NIPA2: variants seen among roughly 807,000 people sequenced by gnomAD.
NIPA2 encodes magnesium transporter NIPA2.
Under a neutral mutation model 29.7 loss-of-function variants are expected in NIPA2, and 11 were observed. The ratio of observed to expected loss-of-function variants is 0.37; its 90% CI spans 0.23 to 0.61. The LOEUF (loss-of-function observed/expected upper bound fraction) is 0.61. Among genes scored for constraint, NIPA2 ranks in the 20% least tolerant of loss-of-function variants. The probability of loss-of-function intolerance (pLI) is 0.66; values close to 1 mark genes in which losing one functional copy is unlikely to be tolerated. For missense variants in NIPA2, 426 were observed against 437.9 expected (o/e 0.97, Z 0.24); for synonymous variants, 183 against 161.9 (o/e 1.13, Z -0.99).
chr15:22,855,312 G>A (rs1183325994), intron 5 of NIPA2, among the ~76,000 whole-genome samples: 2 of 152,026 alleles, frequency 1.3e-5, no homozygotes, highest in Non-Finnish European at 2.9e-5. Context: ...AGCTACTCGG[G>A]AGGCTGAGGC....
rs931647578 is a variant in NIPA2, at chr15:22,867,946, C to CCACT, written c.*1102_*1105dup. 1.3e-4 allele frequency: 20 copies of CCACT among 151,474 alleles called. No individual in the cohort carries two copies. The highest frequency in any genetic ancestry group is 4.6e-4 in the African/African-American group (19 of 41,408). 9.4% of individuals were successfully genotyped at this position (151,474 alleles called of 1,614,324 possible). A position where few individuals can be genotyped will look rare whatever the true frequency, so the allele number is the denominator to read the frequency against. On this transcript the variant is annotated 3_prime_UTR_variant, in exon 8 of 8. Coordinates refer to ENST00000337451, the MANE Select transcript of NIPA2 (RefSeq NM_030922.7). ...GAACTCCATTCAGCTTTGAACCTAT[C>CCACT]CACTCATAACCATTGACTGGCCTTT...
intron 2 of NIPA2, among the ~76,000 whole-genome samples, chr15:22,842,534 A>T (rs1897353922): frequency 6.6e-6 from 1 of 151,472 alleles, no homozygotes; most frequent in African/African-American, 2.4e-5. Context: ...CTAAAAAAAA[A>T]ACCCAAAATA....
intron 7 of NIPA2, among the ~76,000 whole-genome samples, chr15:22,863,857 C>T (rs1005573090): frequency 6.6e-6 from 1 of 152,102 alleles, no homozygotes; most frequent in African/African-American, 2.4e-5. Flanking sequence ...CCCTTTAAGT[C>T]CTGGCTACTT....
At chr15:22,841,063 G>T (rs1180069664) in intron 2 of NIPA2, among the ~76,000 whole-genome samples, 4 of 152,242 alleles carry the variant, frequency 2.6e-5, no homozygotes, top group African/African-American at 9.6e-5. Context: ...AGGATACAAA[G>T]TAGCAGATAT....
At chr15:22,854,639 G>A (rs1468706726) in intron 5 of NIPA2, among the ~76,000 whole-genome samples, 1 of 151,870 alleles carries the variant, frequency 6.6e-6, no homozygotes, top group African/African-American at 2.4e-5. Flanking sequence ...ACAGCTACTC[G>A]GGAGGCTGAG....
intron 2 of NIPA2, among the ~76,000 whole-genome samples, chr15:22,840,302 G>GT (rs34852065): frequency 0.042 from 5,434 of 129,428 alleles, 167 homozygotes; most frequent in African/African-American, 0.086. Context: ...TTTTTTTTTT[G>GT]TTTTTTTTTT....
intron 3 of NIPA2, among the ~76,000 whole-genome samples, chr15:22,848,145 A>G (rs979998845): frequency 4.6e-5 from 7 of 152,118 alleles, no homozygotes; most frequent in African/African-American, 1.7e-4. Flanking sequence ...CATTGAAGTG[A>G]GGTGACCCTG....
chr15:22,859,275 A>G lies in NIPA2; in HGVS notation c.287+645A>G, dbSNP rs945478761. 4.6e-5 allele frequency among the ~76,000 whole-genome samples: 7 copies of G among 150,860 alleles called. No individual in the cohort carries two copies. The East Asian group carries it at 1.2e-3, about 25-fold the overall frequency. On this transcript the variant is annotated intron_variant, in intron 6 of 7. Coordinates refer to ENST00000337451, the MANE Select transcript of NIPA2 (RefSeq NM_030922.7). The stretch of plus-strand genomic sequence containing the variant: ...CTTTGGTAGGGTCTGGTTGGTAATG[A>G]GTAGATTTCTTTTTCTTTTTTTTTT...
chr15:22,866,694 T>C lies in NIPA2; in HGVS notation c.930T>C (p.Pro310=), dbSNP rs1416561167. 2.5e-6 allele frequency: 4 copies of C among 1,614,020 alleles called. No homozygotes were observed. The highest frequency in any genetic ancestry group is 3.4e-6 in the Non-Finnish European group (4 of 1,180,012). The part of the protein sequence containing the change: ...KDVSFSLASL[P]VSFRKDEKAM... ...TCAGCTTTAGTCTAGCAAGTCTGCC[T>C]GTGTCTTTTCGAAAAGACGAGAAAG... Residue 310 remains proline (P), a synonymous_variant, in exon 8 of 8, where the codon CCT becomes CCC. Coordinates refer to ENST00000337451, the MANE Select transcript of NIPA2 (RefSeq NM_030922.7).
At chr15:22,848,004 G>A (rs2141133042) in intron 3 of NIPA2, among the ~76,000 whole-genome samples, 1 of 150,602 alleles carries the variant, frequency 6.6e-6, no homozygotes, top group African/African-American at 2.4e-5. Context: ...CTCCATGTTG[G>A]TCAGGCTGGT....
intron 3 of NIPA2, among the ~76,000 whole-genome samples, chr15:22,846,095 C>T (rs534308884): frequency 2.0e-5 from 3 of 152,200 alleles, no homozygotes; most frequent in African/African-American, 4.8e-5. Flanking sequence ...ACTGGACAGA[C>T]GAGATGGACG....
Position 22,846,933 on chromosome 15 carries a change from C to T in NIPA2, c.-94+1666C>T, listed in dbSNP as rs868515205. 6.2e-5 allele frequency among the ~76,000 whole-genome samples: 9 copies of T among 144,884 alleles called. No homozygotes were observed. In the Middle Eastern group the frequency reaches 0.012, roughly 186 times the overall value. ...TTTTTGTTTGTTTGAGACCGAGTTT[C>T]GCTCTTGTTGCCCAGGCTGGAGTGC... On this transcript the variant is annotated intron_variant, in intron 3 of 7. Coordinates refer to ENST00000337451, the MANE Select transcript of NIPA2 (RefSeq NM_030922.7).
chr15:22,859,881 T>A (rs1010138991), intron 6 of NIPA2, among the ~76,000 whole-genome samples: 1 of 152,156 alleles, frequency 6.6e-6, no homozygotes, highest in Non-Finnish European at 1.5e-5. Flanking sequence ...TCTTTTTAGG[T>A]CTAGATAAAA....
chr15:22,868,017 GAA>G lies in NIPA2; in HGVS notation c.*1172_*1173del, dbSNP rs907428243. On this transcript the variant is annotated 3_prime_UTR_variant, in exon 8 of 8. Transcript: ENST00000337451. ...TTAATTTCCACCTAGGTGATGGGAA[GAA>G]AGTGTTCGCCTGTTCCAGCCTGTGG... is the stretch of plus-strand genomic sequence containing the variant. The G allele has an allele frequency of 4.6e-5, 7 of 152,254 alleles. No individual in the cohort carries two copies. The highest frequency in any genetic ancestry group is 1.7e-4 in the African/African-American group (7 of 41,470). 9.4% of individuals were successfully genotyped at this position (152,254 alleles called of 1,614,324 possible).
chr15:22,866,308 A>G lies in NIPA2; in HGVS notation c.544A>G (p.Ile182Val), dbSNP rs528251144. The G allele has an allele frequency of 1.3e-5, 21 of 1,613,992 alleles. No homozygotes were observed. Among genetic ancestry groups the G allele is most frequent in the East Asian group, 6.7e-5 (3 of 44,876 alleles). ...RHGQTNILVYITICSVIGAFS... is the reference protein window; with the variant it reads ...RHGQTNILVYVTICSVIGAFS... ...TGGACAGACAAACATTCTTGTGTAC[A>G]TAACAATCTGCTCTGTAATCGGCGC... is the stretch of plus-strand genomic sequence containing the variant. The change falls in exon 8 of 8, where the codon ATA becomes GTA. Residue 182 changes from isoleucine to valine, a missense_variant. This residue lies in a region of NIPA2 where 357 missense variants were observed against 339.8 expected (regional missense o/e 1.05). Coordinates refer to ENST00000337451, the MANE Select transcript of NIPA2 (RefSeq NM_030922.7).
chr15:22,851,007 C>T (rs72698084), intron 3 of NIPA2, among the ~76,000 whole-genome samples: 8,946 of 152,208 alleles, frequency 0.059, 640 homozygotes, highest in East Asian at 0.4. Context: ...TAAGCCTCTG[C>T]TTCCTGTCTG....
In NIPA2 at chr15:22,849,169, A is replaced by G. The variant is rs974423363; in HGVS notation, c.-93-2470A>G. 2.8e-4 allele frequency among the ~76,000 whole-genome samples: 42 copies of G among 152,184 alleles called. 1 individual carries two copies. Among genetic ancestry groups the G allele is most frequent in the African/African-American group, 8.7e-4 (36 of 41,444 alleles). ...ATCTCTGTAATTTATTTTTACTGTCAATGAGACTCACCTATCTAGAATTAT... is the reference window on the plus strand; with the variant it reads ...ATCTCTGTAATTTATTTTTACTGTCGATGAGACTCACCTATCTAGAATTAT... On this transcript the variant is annotated intron_variant, in intron 3 of 7. Transcript: ENST00000337451.
At position 22,853,655 on chromosome 15, in the gene NIPA2, C is replaced by T. The variant is rs766470765; in HGVS notation, c.196+387C>T. ...CCTCGCAAAGTGCTGGGATTACAGG[C>T]GTGAGCCACCGCACCCGGCCTACTT... On this transcript the variant is annotated intron_variant, in intron 5 of 7. Coordinates refer to ENST00000337451, the MANE Select transcript of NIPA2 (RefSeq NM_030922.7). Among the ~76,000 whole-genome samples the T allele has an allele frequency of 1.1e-4, 17 of 151,968 alleles. 1 individual carries two copies. The highest frequency in any genetic ancestry group is 1.7e-4 in the African/African-American group (7 of 41,364).
rs553176364 is a variant in NIPA2, at chr15:22,865,627, C to T, written c.449-586C>T. On this transcript the variant is annotated intron_variant, in intron 7 of 7. Transcript: ENST00000337451. ...TCCGTGATAACAGGGTAGTTGAGTG[C>T]GAATTGCTGAGAAAAATGCCTGGCC... Among the ~76,000 whole-genome samples, 9 of 152,174 alleles carry T rather than the reference C, an allele frequency of 5.9e-5. No individual in the cohort carries two copies. In the South Asian group the frequency reaches 6.2e-4, roughly 11 times the overall value.
Sources: gnomAD v4.1 joint callset for allele counts (sites outside exome capture counted in the v4.1 genomes callset) on GRCh38, gnomAD v4.1.1 for gene constraint, gnomAD v4.1.1 regional missense constraint, MANE v1.5 for transcripts, NCBI Gene and HGNC (gene_info 2026-07-23, HGNC 2026-07-21) for gene names.